GPATCH1: variants seen among roughly 807,000 people sequenced by gnomAD.
GPATCH1 encodes the protein G-patch domain containing 1.
A neutral mutation model predicts 114.9 loss-of-function variants in GPATCH1; 73 were observed. That is an observed-to-expected ratio of 0.64 (90% CI 0.53 to 0.77). GPATCH1 has a LOEUF of 0.77. Among genes scored for constraint, GPATCH1 ranks in the 30% least tolerant of loss-of-function variants. GPATCH1 has a pLI of 0.00. For synonymous variants in GPATCH1, 391 were observed against 428.4 expected, an observed-to-expected ratio of 0.91 and a Z score of 1.08; for missense variants, 1,058 against 1,144.3, an observed-to-expected ratio of 0.92 and a Z score of 1.09.
chr19:33,127,531 AAAAAAG>A (rs1973056220), intron 19 of GPATCH1, among the ~76,000 whole-genome samples: 3 of 151,852 alleles, frequency 2.0e-5, no homozygotes, highest in African/African-American at 4.8e-5. Context: ...AAAAAAAAAA[AAAAAAG>A]AAAAGAAAAT....
At chr19:33,081,409 C>A in intron 1 of GPATCH1, 143 bp downstream of exon 1, 1 of 741,548 alleles carries the variant, frequency 1.3e-6, no homozygotes, top group Non-Finnish European at 2.3e-6. Flanking sequence ...GCGTTAGCCG[C>A]GCTCTCGGGG....
At chr19:33,101,080 G>T (rs1568342600) in intron 8 of GPATCH1, among the ~76,000 whole-genome samples, 1 of 152,186 alleles carries the variant, frequency 6.6e-6, no homozygotes, top group Non-Finnish European at 1.5e-5. Flanking sequence ...TCACCCTGTA[G>T]TTCTTCACCT....
At chr19:33,099,612 T>C (rs1474318066) in intron 8 of GPATCH1, among the ~76,000 whole-genome samples, 1 of 151,948 alleles carries the variant, frequency 6.6e-6, no homozygotes, top group Non-Finnish European at 1.5e-5. Flanking sequence ...AAATTTTTTT[T>C]TTTTGAGACA....
At chr19:33,082,952 G>A (rs1972494227) in intron 1 of GPATCH1, among the ~76,000 whole-genome samples, 2 of 151,818 alleles carry the variant, frequency 1.3e-5, no homozygotes. Context: ...TAAAAATAGA[G>A]ATGAGGCCGG....
rs1972908230 is a variant in GPATCH1 at position 33,115,536 on chromosome 19, C to T, written c.2196+1117C>T. Reference sequence around the variant, plus strand: ...TGAGATGAAGTTTTACTCTTCTTGCCCAGGCTGGAGTACAATGGCACTGTC... The same window carrying T: ...TGAGATGAAGTTTTACTCTTCTTGCTCAGGCTGGAGTACAATGGCACTGTC... On this transcript the variant is annotated intron_variant, in intron 15 of 19. Coordinates refer to ENST00000170564, the MANE Select transcript of GPATCH1 (RefSeq NM_018025.3). 4.7e-5 allele frequency among the ~76,000 whole-genome samples: 7 copies of T among 150,386 alleles called. No individual in the cohort carries two copies. In the South Asian group the frequency reaches 1.3e-3, roughly 27 times the overall value.
intron 1 of GPATCH1, among the ~76,000 whole-genome samples, chr19:33,084,215 A>G (rs565070624): frequency 2.0e-3 from 299 of 152,330 alleles, no homozygotes; most frequent in Non-Finnish European, 2.1e-3. Flanking sequence ...TTTTAGTGAC[A>G]GGTTAGACAG....
At chr19:33,108,263 C>G (rs1972809421) in intron 10 of GPATCH1, among the ~76,000 whole-genome samples, 1 of 152,150 alleles carries the variant, frequency 6.6e-6, no homozygotes, top group Non-Finnish European at 1.5e-5. Context: ...ATGAGGCCAA[C>G]TATACCAGCC....
chr19:33,122,724 T>C (rs1001954927), intron 17 of GPATCH1, among the ~76,000 whole-genome samples: 1 of 151,980 alleles, frequency 6.6e-6, no homozygotes, highest in African/African-American at 2.4e-5. Context: ...CTTAATTTGG[T>C]CTATGGGTTA....
At position 33,126,626 on chromosome 19, in the gene GPATCH1, AAAG is replaced by A; in HGVS notation, c.2661_2663del (p.Lys887del). The A allele has an allele frequency of 6.2e-7, 1 of 1,613,946 alleles. No homozygotes were observed. The highest frequency in any genetic ancestry group is 1.3e-5 in the African/African-American group (1 of 75,032). ...GGAAGCACAAACACAAAGGCAAGCA[AAAG>A]AATAAAAAACCAGAGAAAAGTAGTA... On this transcript the variant is annotated inframe_deletion, in exon 19 of 20. Coordinates refer to ENST00000170564, the MANE Select transcript of GPATCH1 (RefSeq NM_018025.3).
At chr19:33,127,820 T>TA (rs1327277567) in intron 19 of GPATCH1, among the ~76,000 whole-genome samples, 3 of 151,298 alleles carry the variant, frequency 2.0e-5, no homozygotes, top group African/African-American at 7.3e-5. Context: ...GCAGTTCTCC[T>TA]ACCTCAGCCT....
intron 13 of GPATCH1, chr19:33,112,908 A>C (rs1406146941): frequency 4.0e-6 from 1 of 252,022 alleles, no homozygotes; most frequent in Non-Finnish European, 7.6e-6. Context: ...GTTGCTGCTC[A>C]TGTGGTTTAC....
At chr19:33,120,307 T>A (rs1188933057) in intron 17 of GPATCH1, among the ~76,000 whole-genome samples, 1,172 of 64,066 alleles carry the variant, frequency 0.018, 18 homozygotes, top group African/African-American at 0.14. Context: ...AATTATATAT[T>A]TTATACATAA....
In GPATCH1 at chr19:33,114,352, C is replaced by G. The variant is rs1972892787; in HGVS notation, c.2129C>G (p.Pro710Arg). 5 of 1,613,450 alleles carry G rather than the reference C, an allele frequency of 3.1e-6. No homozygotes were observed. The highest frequency in any genetic ancestry group is 1.3e-5 in the African/African-American group (1 of 74,852). Residue 710 changes from proline to arginine, a missense_variant, in exon 15 of 20, where the codon CCT becomes CGT. This residue lies in a region of GPATCH1 where 893 missense variants were observed against 977.4 expected (regional missense o/e 0.91). Coordinates refer to ENST00000170564, the MANE Select transcript of GPATCH1 (RefSeq NM_018025.3). ...TTGGCTAGATCAAAAGCCGAGCCAC[C>G]TAAACAACAGTCCAGCCCCTTAGTA... The part of the protein sequence containing the change: ...LSLARSKAEP[P>R]KQQSSPLVNK...
At chr19:33,114,852 G>C (rs1193105433) in intron 15 of GPATCH1, among the ~76,000 whole-genome samples, 2 of 142,238 alleles carry the variant, frequency 1.4e-5, no homozygotes. Flanking sequence ...CCCCAGGCTG[G>C]AGTGCAGTGG....
At chr19:33,106,976 C>T (rs1972792570) in intron 10 of GPATCH1, 77 bp downstream of exon 10, 4 of 1,196,654 alleles carry the variant, frequency 3.3e-6, no homozygotes, top group Non-Finnish European at 4.8e-6. Flanking sequence ...TTGTTGTTTT[C>T]CCACTGAAGT....
At chr19:33,103,587 G>A (rs948576845) in intron 9 of GPATCH1, among the ~76,000 whole-genome samples, 5 of 152,148 alleles carry the variant, frequency 3.3e-5, no homozygotes, top group African/African-American at 1.2e-4. Context: ...TGTAAACCCA[G>A]CTACTTGGGA....
At chr19:33,118,866 G>A in intron 16 of GPATCH1, 144 bp from the exon 17 acceptor site, 2 of 559,680 alleles carry the variant, frequency 3.6e-6, no homozygotes, top group South Asian at 4.6e-5. Context: ...GGGTCTGCGT[G>A]TTCACTGCTG....
rs761290283 is a variant in GPATCH1 at position 33,096,330 on chromosome 19, G to C, written c.736G>C (p.Ala246Pro). Residue 246 changes from alanine (A) to proline (P), a missense_variant, in exon 7 of 20, where the codon GCA becomes CCA. Physicochemically the swap from Ala to Pro is conservative, Grantham distance 27 (BLOSUM62 -1). Coordinates refer to ENST00000170564, the MANE Select transcript of GPATCH1 (RefSeq NM_018025.3). ...LAYKGLDPHQ[A>P]LFGTSGEHFN... ...TTACAAGGGCCTGGATCCCCACCAG[G>C]CACTGTTTGGAACTTCGGGAGAACA... 1.9e-6 allele frequency: 3 copies of C among 1,614,146 alleles called. No individual in the cohort carries two copies. In the South Asian group the frequency reaches 3.3e-5, roughly 18 times the overall value.
intron 4 of GPATCH1, 127 bp downstream of exon 4, chr19:33,093,646 A>G: frequency 1.1e-6 from 1 of 897,626 alleles, no homozygotes; most frequent in Non-Finnish European, 1.7e-6. Flanking sequence ...TAAGTGAAAA[A>G]GGGGGTTTTG....
Sources: gnomAD v4.1 joint callset for allele counts (sites outside exome capture counted in the v4.1 genomes callset) on GRCh38, gnomAD v4.1.1 for gene constraint, gnomAD v4.1.1 regional missense constraint, MANE v1.5 for transcripts, NCBI Gene and HGNC (gene_info 2026-07-23, HGNC 2026-07-21) for gene names.